Variants in SUGCT observed in about 807,000 individuals in gnomAD.
The protein encoded by SUGCT is succinyl-CoA:glutarate CoA-transferase.
SUGCT carries 41 observed loss-of-function variants against 55.0 expected under a neutral mutation model. The ratio of observed to expected loss-of-function variants is 0.74; its 90% confidence interval spans 0.58 to 0.97. SUGCT has a LOEUF of 0.97. Among genes scored for constraint, SUGCT ranks in the 50% least tolerant of loss-of-function variants. The pLI, the probability that SUGCT is intolerant of heterozygous loss-of-function variation, is 0.00. For missense variants in SUGCT, 568 were observed against 547.8 expected (o/e 1.04, Z -0.37); for synonymous variants, 187 against 200.4 (o/e 0.93, Z 0.56).
chr7:41,015,922 G>C, the SUGCT span, among the ~76,000 whole-genome samples: 1 of 151,804 alleles, frequency 6.6e-6, no homozygotes, highest in South Asian at 2.1e-4. Context: ...AAGTAGGAGT[G>C]AGGGGTGTGC....
chr7:40,402,442 A>G (rs1786127022), intron 9 of SUGCT, among the ~76,000 whole-genome samples: 1 of 152,210 alleles, frequency 6.6e-6, no homozygotes, highest in African/African-American at 2.4e-5. Flanking sequence ...AAGAAAGTCA[A>G]CTTACGTTAT....
intron 12 of SUGCT, among the ~76,000 whole-genome samples, chr7:40,497,884 T>C (rs935275798): frequency 2.0e-5 from 3 of 151,824 alleles, no homozygotes; most frequent in African/African-American, 7.2e-5. Context: ...ATATTAAGTA[T>C]ATTCTAACAC....
intron 12 of SUGCT, among the ~76,000 whole-genome samples, chr7:40,745,592 C>T (rs965547845): frequency 2.0e-5 from 3 of 152,042 alleles, no homozygotes; most frequent in East Asian, 1.9e-4. Context: ...AAGAGGTTGG[C>T]GCACTGACTA....
At chr7:40,200,605 C>G (rs1253141027) in intron 6 of SUGCT, among the ~76,000 whole-genome samples, 2 of 151,984 alleles carry the variant, frequency 1.3e-5, no homozygotes, top group Admixed American at 6.6e-5. Context: ...GTTTGGAACA[C>G]TAAAAACTGA....
intron 12 of SUGCT, among the ~76,000 whole-genome samples, chr7:40,745,387 G>T (rs1787684996): frequency 6.6e-6 from 1 of 151,536 alleles, no homozygotes; most frequent in South Asian, 2.1e-4. Flanking sequence ...TGCCATTTCT[G>T]CCATAGGACT....
intron 8 of SUGCT, among the ~76,000 whole-genome samples, chr7:40,297,459 T>C (rs1403718258): frequency 6.6e-6 from 1 of 152,168 alleles, no homozygotes; most frequent in African/African-American, 2.4e-5. Context: ...GGCTGATTCG[T>C]AGAGTAGGCA....
intron 9 of SUGCT, among the ~76,000 whole-genome samples, chr7:40,353,738 C>T (rs771436300): frequency 2.0e-5 from 3 of 151,934 alleles, no homozygotes; most frequent in East Asian, 1.9e-4. Context: ...TCTTAAGTAC[C>T]GAAAATATGA....
intron 13 of SUGCT, among the ~76,000 whole-genome samples, chr7:40,848,891 C>T (rs1214108799): frequency 1.3e-5 from 2 of 152,068 alleles, no homozygotes; most frequent in Non-Finnish European, 2.9e-5. Flanking sequence ...TTAATGTGTT[C>T]TAAGTGTATG....
rs534737852 is a variant in SUGCT, at chr7:40,271,857, G to A, written c.577-2656G>A. 2.1e-4 allele frequency among the ~76,000 whole-genome samples: 32 copies of A among 151,722 alleles called. 1 individual carries two copies. The highest frequency in any genetic ancestry group is 7.7e-4 in the African/African-American group (32 of 41,382). On this transcript the variant is annotated intron_variant, in intron 7 of 13. Coordinates refer to ENST00000335693, the MANE Select transcript of SUGCT (RefSeq NM_001193313.2). ...CTCCCCCTACCCTTCCCAGCCTCTG[G>A]TAACCAGCAGTCTGCTCTCTATCTT...
chr7:40,286,859 T>C (rs753496136), intron 8 of SUGCT, among the ~76,000 whole-genome samples: 4 of 152,114 alleles, frequency 2.6e-5, no homozygotes, highest in Admixed American at 6.6e-5. Context: ...AGAGGGACTT[T>C]CTTGGCAGGA....
At position 40,264,662 on chromosome 7, in the gene SUGCT, A is replaced by G. The variant is rs148250783; in HGVS notation, c.577-9851A>G. ...AGTCATGAGAATAGTGGTTTTAACA[A>G]TGAAAATACTACCTTCATATTAAGA... On this transcript the variant is annotated intron_variant, in intron 7 of 13. Transcript: ENST00000335693. Among the ~76,000 whole-genome samples the G allele has an allele frequency of 1.5e-4, 23 of 152,354 alleles. 1 individual carries two copies. In the East Asian group the frequency reaches 3.1e-3, roughly 20 times the overall value.
intron 1 of SUGCT, among the ~76,000 whole-genome samples, chr7:40,136,369 T>C (rs1256690047): frequency 6.6e-6 from 1 of 152,202 alleles, no homozygotes; most frequent in Non-Finnish European, 1.5e-5. Context: ...GGACCTGTGA[T>C]TTCCATTCAC....
intron 12 of SUGCT, among the ~76,000 whole-genome samples, chr7:40,497,229 A>G (rs1792031966): frequency 6.6e-6 from 1 of 152,156 alleles, no homozygotes; most frequent in Non-Finnish European, 1.5e-5. Context: ...TTATATTTAT[A>G]TCGTGGCAGG....
At chr7:40,579,614 A>G (rs1435656738) in intron 12 of SUGCT, among the ~76,000 whole-genome samples, 2 of 152,230 alleles carry the variant, frequency 1.3e-5, no homozygotes, top group Non-Finnish European at 1.5e-5. Flanking sequence ...GGAAACAGAC[A>G]TAAATGGTGT....
At chr7:40,181,802 G>A (rs117552297) in intron 2 of SUGCT, among the ~76,000 whole-genome samples, 153 bp from the exon 3 acceptor site, 475 of 151,668 alleles carry the variant, frequency 3.1e-3, no homozygotes, top group Non-Finnish European at 5.7e-3. Context: ...TATTTTTAAA[G>A]CTCCTATTAC....
intron 12 of SUGCT, among the ~76,000 whole-genome samples, chr7:40,643,101 C>A (rs747885210): frequency 6.6e-6 from 1 of 152,154 alleles, no homozygotes; most frequent in Non-Finnish European, 1.5e-5. Context: ...GGCAGTGGCA[C>A]AACTCTTTTT....
chr7:40,146,075 T>G (rs112548856), intron 1 of SUGCT, among the ~76,000 whole-genome samples: 4 of 152,190 alleles, frequency 2.6e-5, no homozygotes, highest in African/African-American at 9.6e-5. Context: ...TTTAAGGTTC[T>G]TGAGTCAGTA....
chr7:40,736,719 T>C (rs561495085), intron 12 of SUGCT, among the ~76,000 whole-genome samples: 1 of 151,962 alleles, frequency 6.6e-6, no homozygotes, highest in African/African-American at 2.4e-5. Context: ...ACTGTCAGCT[T>C]AGAAATGTAC....
intron 9 of SUGCT, among the ~76,000 whole-genome samples, chr7:40,420,152 T>A (rs1787228426): frequency 6.6e-6 from 1 of 152,004 alleles, no homozygotes; most frequent in African/African-American, 2.4e-5. Flanking sequence ...AGCTGGGTGA[T>A]TTTTGAAGTG....
Sources: allele counts gnomAD v4.1 joint callset (sites outside exome capture counted in the v4.1 genomes callset), GRCh38; gene constraint gnomAD v4.1.1; transcripts MANE v1.5; gene names NCBI Gene and HGNC (gene_info 2026-07-23, HGNC 2026-07-21).